TIMP2: variants seen among roughly 807,000 people sequenced by gnomAD.
TIMP2 encodes the protein TIMP metallopeptidase inhibitor 2, also known as metalloproteinase inhibitor 2.
A neutral mutation model predicts 24.3 loss-of-function variants in TIMP2; 5 were observed. The ratio of observed to expected loss-of-function variants is 0.21; its 90% CI spans 0.11 to 0.43. TIMP2 has a LOEUF of 0.43. TIMP2 is among the 20% of genes least tolerant of loss of function. The pLI, the probability that TIMP2 is intolerant of heterozygous loss-of-function variation, is 1.00. For missense variants in TIMP2, 221 were observed against 297.5 expected, an observed-to-expected ratio of 0.74 and a Z score of 1.89; for synonymous variants, 130 against 123.2, an observed-to-expected ratio of 1.06 and a Z score of -0.37.
Position 78,874,780 on chromosome 17 carries a change from G to A in TIMP2, c.131-861C>T, listed in dbSNP as rs145515679. 2.1e-3 allele frequency among the ~76,000 whole-genome samples: 314 copies of A among 150,228 alleles called. 6 individuals are homozygous for A. In the East Asian group the frequency reaches 0.051, roughly 24 times the overall value. On this transcript the variant is annotated intron_variant, in intron 1 of 4. Transcript: ENST00000262768. ...TTTTCAGACGGAGTCTCACTCTGTC[G>A]TCCAGGCTAGAGTGCAGTGGCATGA...
At chr17:78,914,410 A>C (rs368729196) in intron 1 of TIMP2, among the ~76,000 whole-genome samples, 7 of 151,108 alleles carry the variant, frequency 4.6e-5, no homozygotes, top group African/African-American at 1.5e-4. Flanking sequence ...AGCCTCTTGA[A>C]TAGCTGGGAT....
At chr17:78,886,167 G>A (rs917831830) in intron 1 of TIMP2, among the ~76,000 whole-genome samples, 7 of 152,162 alleles carry the variant, frequency 4.6e-5, no homozygotes, top group African/African-American at 1.7e-4. Flanking sequence ...GTGACCGTCC[G>A]GGCAGAGATG....
chr17:78,912,331 C>T (rs1242667413), intron 1 of TIMP2, among the ~76,000 whole-genome samples: 1 of 152,204 alleles, frequency 6.6e-6, no homozygotes, highest in African/African-American at 2.4e-5. Context: ...CTTGGCAAAG[C>T]CTGCCCCACT....
intron 1 of TIMP2, among the ~76,000 whole-genome samples, chr17:78,875,524 T>A (rs977783330): frequency 3.3e-4 from 50 of 152,260 alleles, no homozygotes; most frequent in African/African-American, 1.2e-3. Flanking sequence ...TTGGGCAGGG[T>A]TGGGTAGAGC....
chr17:78,874,342 C>T (rs998425831), intron 1 of TIMP2, among the ~76,000 whole-genome samples: 14 of 152,038 alleles, frequency 9.2e-5, no homozygotes, highest in Admixed American at 1.3e-4. Context: ...CAAGCAGGTA[C>T]CCCATGGAAC....
At chr17:78,866,390 A>AT (rs951798657) in intron 3 of TIMP2, among the ~76,000 whole-genome samples, 38 of 149,044 alleles carry the variant, frequency 2.5e-4, no homozygotes, top group Admixed American at 8.1e-4. Flanking sequence ...TCTCCATTTG[A>AT]TTTTTTTTTT....
chr17:78,871,323 G>A (rs2069681890), intron 2 of TIMP2, among the ~76,000 whole-genome samples: 1 of 151,888 alleles, frequency 6.6e-6, no homozygotes, highest in Admixed American at 6.6e-5. Context: ...ATGGTGGCAA[G>A]CGCCTGTAAT....
chr17:78,870,425 G>A (rs200829956), intron 3 of TIMP2, among the ~76,000 whole-genome samples: 137 of 9,078 alleles, frequency 0.015, 11 homozygotes, highest in Non-Finnish European at 0.025. Context: ...CAAAAAAAAA[G>A]AAAGAAAGAA....
rs1182134207 is a variant in TIMP2, at chr17:78,920,073, C to T, written c.130+4886G>A. On this transcript the variant is annotated intron_variant, in intron 1 of 4. Transcript: ENST00000262768. The surrounding 1 kb of genome is among the most constrained non-coding windows in gnomAD (Gnocchi z 4.5). ...CTCGGGCAGACCTCTTTGTTGTTTC[C>T]GAACCCAAGACGTTCACCCCTACAC... Among the ~76,000 whole-genome samples, 1 of 152,308 alleles carries T rather than the reference C, an allele frequency of 6.6e-6. No homozygotes were observed. The highest frequency in any genetic ancestry group is 1.9e-4 in the East Asian group (1 of 5,176).
At chr17:78,901,225 AATG>A (rs2070087788) in intron 1 of TIMP2, 1 of 154,366 alleles carries the variant, frequency 6.5e-6, no homozygotes, top group South Asian at 2.0e-4. Flanking sequence ...CGTGGAGCTA[AATG>A]ATGGTCAACA....
At chr17:78,873,363 G>A (rs1367450313) in intron 2 of TIMP2, among the ~76,000 whole-genome samples, 2 of 146,994 alleles carry the variant, frequency 1.4e-5, no homozygotes, top group African/African-American at 5.1e-5. Flanking sequence ...GAATACAGTG[G>A]TGAGATGTCT....
intron 1 of TIMP2, among the ~76,000 whole-genome samples, chr17:78,917,761 T>C (rs8066695): frequency 0.41 from 62,104 of 151,896 alleles, 13,401 homozygotes; most frequent in Middle Eastern, 0.47. Flanking sequence ...ACTGATGGCA[T>C]CCTTTCCCCA....
intron 2 of TIMP2, among the ~76,000 whole-genome samples, chr17:78,871,461 A>AG (rs968523165): frequency 1.0e-4 from 13 of 127,266 alleles, no homozygotes; most frequent in Admixed American, 3.7e-4. Context: ...AAAAAAAAAA[A>AG]AAAAAAAAAG....
intron 1 of TIMP2, among the ~76,000 whole-genome samples, chr17:78,895,111 T>A (rs1214028630): frequency 6.6e-6 from 1 of 151,972 alleles, no homozygotes; most frequent in Non-Finnish European, 1.5e-5. Context: ...TGAAACCCCG[T>A]CTCTACTAAA....
intron 1 of TIMP2, among the ~76,000 whole-genome samples, chr17:78,878,088 A>C (rs1253261290): frequency 7.2e-5 from 11 of 152,210 alleles, no homozygotes; most frequent in Admixed American, 4.6e-4. Flanking sequence ...ACTGGAGTTC[A>C]GAAAATAAGC....
At chr17:78,860,202 C>CAA (rs796876995) in intron 3 of TIMP2, among the ~76,000 whole-genome samples, 22 of 151,562 alleles carry the variant, frequency 1.5e-4, no homozygotes, top group African/African-American at 5.3e-4. Flanking sequence ...AAAACAAAAA[C>CAA]AAAAAAAACC....
intron 1 of TIMP2, among the ~76,000 whole-genome samples, chr17:78,906,300 C>T (rs915195621): frequency 5.3e-5 from 8 of 151,948 alleles, no homozygotes; most frequent in African/African-American, 1.7e-4. Flanking sequence ...CCCAGAAGTT[C>T]GAGGCTGCAG....
intron 1 of TIMP2, chr17:78,922,381 A>G (rs917748341): frequency 4.6e-5 from 7 of 152,228 alleles, no homozygotes; most frequent in African/African-American, 1.7e-4. Flanking sequence ...TATGGGCTGA[A>G]TTACGTCCCC....
At chr17:78,898,188 A>T (rs938388197) in intron 1 of TIMP2, 1 of 151,882 alleles carries the variant, frequency 6.6e-6, no homozygotes, top group Non-Finnish European at 1.5e-5. Flanking sequence ...TTTCACGTAC[A>T]CCTCTCTCCA....
Sources: allele counts gnomAD v4.1 joint callset (sites outside exome capture counted in the v4.1 genomes callset), GRCh38; gene constraint gnomAD v4.1.1; non-coding constraint Gnocchi (gnomAD v3.1); transcripts MANE v1.5; gene names NCBI Gene and HGNC (gene_info 2026-07-23, HGNC 2026-07-21).